INO80: variants seen among roughly 807,000 people sequenced by gnomAD.
INO80 encodes INO80 complex ATPase subunit, also known as chromatin-remodeling ATPase INO80.
In INO80, 20 loss-of-function variants were observed where a neutral mutation model predicts 203.4. The observed-to-expected ratio is 0.10, with a 90% CI of 0.07 to 0.14. The LOEUF (loss-of-function observed/expected upper bound fraction) is 0.14, where lower values mean the gene tolerates loss of function less well. INO80 is among the 10% of genes least tolerant of loss of function. The pLI is 1.00. For missense variants in INO80, 1,419 were observed against 1,914.4 expected (o/e 0.74, Z 4.83); for synonymous variants, 726 against 685.2 (o/e 1.06, Z -0.93).
At chr15:41,052,339 C>T (rs1233713519) in intron 19 of INO80, among the ~76,000 whole-genome samples, 3 of 152,066 alleles carry the variant, frequency 2.0e-5, no homozygotes, top group Non-Finnish European at 4.4e-5. Flanking sequence ...AATAAAGGTA[C>T]AGTTCTACTC....
chr15:41,014,480 T>C (rs2044175315), intron 27 of INO80, among the ~76,000 whole-genome samples: 1 of 152,176 alleles, frequency 6.6e-6, no homozygotes, highest in African/African-American at 2.4e-5. Flanking sequence ...GGCAGTCCTT[T>C]TATTTTGGAT....
chr15:41,084,801 G>T (rs750005783), intron 7 of INO80, among the ~76,000 whole-genome samples: 3 of 152,244 alleles, frequency 2.0e-5, no homozygotes, highest in Non-Finnish European at 4.4e-5. Flanking sequence ...GTGCAGTGGT[G>T]CGATCTCAGC....
chr15:41,082,391 T>C (rs2045498971), intron 7 of INO80, among the ~76,000 whole-genome samples: 1 of 150,794 alleles, frequency 6.6e-6, no homozygotes, highest in Non-Finnish European at 1.5e-5. Context: ...TAGTGAGACC[T>C]CGTCTCTATA....
intron 33 of INO80, 23 bp from the exon 34 acceptor site, chr15:40,983,944 C>A: frequency 1.2e-6 from 2 of 1,611,332 alleles, no homozygotes; most frequent in Non-Finnish European, 1.7e-6. Context: ...GGGTTAAGAT[C>A]ATTACGACCC....
At chr15:41,027,128 G>T (rs1188873086) in intron 25 of INO80, among the ~76,000 whole-genome samples, 2 of 152,204 alleles carry the variant, frequency 1.3e-5, no homozygotes, top group African/African-American at 4.8e-5. Context: ...CACTGAGAAG[G>T]TTCTTGATGC....
Position 41,087,658 on chromosome 15 carries a change from C to A in INO80, c.562G>T (p.Ala188Ser). The A allele has an allele frequency of 5.0e-6, 8 of 1,613,476 alleles. No homozygotes were observed. Among genetic ancestry groups the A allele is most frequent in the Non-Finnish European group, 6.8e-6 (8 of 1,179,776 alleles). Residue 188 changes from alanine to serine, a missense_variant, in exon 6 of 36, where the codon GCA (alanine) becomes TCA (serine). Physicochemically the swap from Ala to Ser is moderately conservative, Grantham distance 99 (BLOSUM62 1). This residue lies in a region of INO80 where 323 missense variants were observed against 325.4 expected (regional missense o/e 0.99). Transcript: ENST00000648947. ...KELQQYQYYS[A>S]GLLSTYDPFY... ...GGGTCATATGTGGAGAGCAGGCCTG[C>A]ACTGTAGTACTGATATTGCTGCAAC...
chr15:41,065,906 T>G (rs1471001996), intron 14 of INO80, among the ~76,000 whole-genome samples: 1 of 151,882 alleles, frequency 6.6e-6, no homozygotes, highest in Non-Finnish European at 1.5e-5. Flanking sequence ...GCCTTCTGTT[T>G]GGGCTGATGA....
intron 24 of INO80, 39 bp downstream of exon 24, chr15:41,044,865 G>C: frequency 1.3e-6 from 2 of 1,538,536 alleles, no homozygotes; most frequent in Non-Finnish European, 1.7e-6. Flanking sequence ...AAGGAAAGAA[G>C]ATACTAAGTA....
At chr15:41,038,619 T>C (rs966534804) in intron 24 of INO80, among the ~76,000 whole-genome samples, 3 of 152,310 alleles carry the variant, frequency 2.0e-5, no homozygotes, top group African/African-American at 7.2e-5. Context: ...TGAAGTAATT[T>C]TTCCATCTCC....
At chr15:41,003,030 G>T (rs1224145409) in intron 28 of INO80, among the ~76,000 whole-genome samples, 1 of 152,158 alleles carries the variant, frequency 6.6e-6, no homozygotes, top group Non-Finnish European at 1.5e-5. Context: ...TGAGGCAGGA[G>T]AATCGCTTGA....
At chr15:41,023,779 A>C (rs1448750092) in intron 25 of INO80, among the ~76,000 whole-genome samples, 2 of 148,634 alleles carry the variant, frequency 1.3e-5, no homozygotes, top group Admixed American at 1.3e-4. Flanking sequence ...AAAAAAAAAA[A>C]AAAACAAAAC....
At chr15:41,067,859 AC>A (rs2045247498) in intron 14 of INO80, among the ~76,000 whole-genome samples, 1 of 152,192 alleles carries the variant, frequency 6.6e-6, no homozygotes, top group African/African-American at 2.4e-5. Context: ...TCCTTTAGGG[AC>A]AGAACACATA....
chr15:41,096,188 G>C lies in INO80; in HGVS notation c.123C>G (p.Ile41Met), dbSNP rs1475226244. The C allele has an allele frequency of 2.5e-6, 4 of 1,608,662 alleles. No individual in the cohort carries two copies. In the Admixed American group the frequency reaches 5.2e-5, roughly 21 times the overall value. ...CATACCTAGAAATATTCCTATTGAA[G>C]ATAGCTGACGTTTGTCGCAGAAAAT... The part of the protein sequence containing the change: ...LDHFLRQTSA[I>M]FNRNISSDDS... Residue 41 changes from isoleucine to methionine, a missense_variant, in exon 2 of 36, where the codon ATC (isoleucine) becomes ATG (methionine). Coordinates refer to ENST00000648947, the MANE Select transcript of INO80 (RefSeq NM_017553.3).
At chr15:41,011,593 T>C (rs566804928) in intron 27 of INO80, 91 of 152,232 alleles carry the variant, frequency 6.0e-4, no homozygotes, top group Admixed American at 4.1e-3. Context: ...TTTTTTTTTT[T>C]TGAAAGGAAG....
At chr15:40,984,403 G>A in intron 32 of INO80, 51 bp from the exon 33 acceptor site, 1 of 1,539,802 alleles carries the variant, frequency 6.5e-7, no homozygotes, top group Admixed American at 1.8e-5. Context: ...CACCCCAAAA[G>A]AAAAGCGGGA....
chr15:40,998,040 T>TA (rs1555398047), intron 28 of INO80, among the ~76,000 whole-genome samples: 59 of 78,812 alleles, frequency 7.5e-4, no homozygotes, highest in African/African-American at 2.6e-3. Context: ...TTTTTTTTTT[T>TA]AGACGTAGTC....
At chr15:41,046,317 C>G (rs2044766900) in intron 23 of INO80, among the ~76,000 whole-genome samples, 1 of 137,532 alleles carries the variant, frequency 7.3e-6, no homozygotes, top group South Asian at 2.4e-4. Context: ...GCAACCTCCA[C>G]CTCCTGGGTT....
intron 24 of INO80, among the ~76,000 whole-genome samples, chr15:41,038,021 T>C (rs1169856117): frequency 7.1e-6 from 1 of 140,540 alleles, no homozygotes; most frequent in African/African-American, 2.6e-5. Flanking sequence ...CTTTTTTTTT[T>C]TTTTTTTTTT....
chr15:41,079,656 G>A (rs773299437), intron 9 of INO80, 45 bp downstream of exon 9: 1 of 1,526,970 alleles, frequency 6.5e-7, no homozygotes, highest in Non-Finnish European at 9.1e-7. Context: ...CTCTTCAAAT[G>A]GCTGTAGTAA....
Sources: allele counts gnomAD v4.1 joint callset (sites outside exome capture counted in the v4.1 genomes callset), GRCh38; gene constraint gnomAD v4.1.1; regional missense constraint gnomAD v4.1.1; transcripts MANE v1.5; gene names NCBI Gene and HGNC (gene_info 2026-07-23, HGNC 2026-07-21).